Variants in STARD9 observed in about 807,000 individuals in gnomAD.
STARD9 encodes stAR-related lipid transfer protein 9.
A neutral mutation model predicts 399.8 loss-of-function variants in STARD9; 346 were observed. That is an observed-to-expected ratio of 0.87 (90% CI 0.79 to 0.95). The LOEUF (loss-of-function observed/expected upper bound fraction) is 0.95, where lower values mean the gene tolerates loss of function less well. Ranked by LOEUF, STARD9 falls within the 40% of genes least tolerant of loss-of-function variation. The pLI is 0.00. For missense variants in STARD9, 5,832 were observed against 5,667.5 expected (o/e 1.03, Z -0.93); for synonymous variants, 2,203 against 2,143.5 (o/e 1.03, Z -0.77).
intron 3 of STARD9, among the ~76,000 whole-genome samples, chr15:42,618,436 A>G (rs889990255): frequency 1.3e-5 from 2 of 152,078 alleles, no homozygotes; most frequent in Non-Finnish European, 2.9e-5. Context: ...CCCTGCCACT[A>G]TACACTTTTA....
intron 3 of STARD9, among the ~76,000 whole-genome samples, chr15:42,601,319 C>T (rs2141752366): frequency 6.6e-6 from 1 of 152,310 alleles, no homozygotes; most frequent in South Asian, 2.1e-4. Context: ...CCACATTTCC[C>T]CCTTTTCTAT....
At chr15:42,700,086 T>C (rs1250954325) in intron 26 of STARD9, among the ~76,000 whole-genome samples, 2 of 152,226 alleles carry the variant, frequency 1.3e-5, no homozygotes, top group African/African-American at 4.8e-5. Flanking sequence ...GTCCCTGGGT[T>C]CACCCATGTT....
intron 3 of STARD9, among the ~76,000 whole-genome samples, chr15:42,623,539 C>G (rs2059134473): frequency 6.6e-6 from 1 of 152,140 alleles, no homozygotes; most frequent in South Asian, 2.1e-4. Context: ...ATACTTTCTT[C>G]CAAGATTAAG....
chr15:42,602,820 A>C (rs2058654340), intron 3 of STARD9, among the ~76,000 whole-genome samples: 1 of 152,226 alleles, frequency 6.6e-6, no homozygotes, highest in South Asian at 2.1e-4. Context: ...GAAGTTACAA[A>C]GTTGCAAATG....
At chr15:42,698,752 T>C (rs1025661615) in intron 26 of STARD9, among the ~76,000 whole-genome samples, 2 of 152,168 alleles carry the variant, frequency 1.3e-5, no homozygotes, top group Non-Finnish European at 2.9e-5. Context: ...CTTCTAGAAC[T>C]TCTGTGGTTT....
At chr15:42,645,709 T>C (rs767929364) in intron 7 of STARD9, among the ~76,000 whole-genome samples, 2 of 151,996 alleles carry the variant, frequency 1.3e-5, no homozygotes, top group Non-Finnish European at 2.9e-5. Context: ...CCTGGCTAAT[T>C]TTTTGTGTAT....
intron 15 of STARD9, among the ~76,000 whole-genome samples, chr15:42,667,431 C>T (rs1198920869): frequency 6.6e-6 from 1 of 151,268 alleles, no homozygotes; most frequent in Non-Finnish European, 1.5e-5. Flanking sequence ...GATCCACCCA[C>T]CTCGGCCTCT....
At chr15:42,621,349 T>C (rs1266453039) in intron 3 of STARD9, among the ~76,000 whole-genome samples, 1 of 152,242 alleles carries the variant, frequency 6.6e-6, no homozygotes, top group Non-Finnish European at 1.5e-5. Flanking sequence ...ATTCATGGTT[T>C]CTCATTTTAT....
chr15:42,686,655 C>T lies in STARD9; in HGVS notation c.5077C>T (p.Pro1693Ser), dbSNP rs1165469478. 3 of 1,537,454 alleles carry T rather than the reference C, an allele frequency of 2.0e-6. No homozygotes were observed. Among genetic ancestry groups the T allele is most frequent in the Admixed American group, 3.9e-5 (2 of 50,978 alleles). The change falls in exon 23 of 33, where the codon CCA becomes TCA. Residue 1693 changes from proline to serine, a missense_variant. Pro to Ser is a moderately conservative substitution (Grantham distance 74). Transcript: ENST00000290607. ...GCAATTAAGTCCCGACAGCCACTAC[C>T]CACTAGAGGAAGAGAAGACAGATTG... ...PGQLSPDSHY[P>S]LEEEKTDCQE...
chr15:42,708,974 C>T (rs2061150040), intron 26 of STARD9, among the ~76,000 whole-genome samples: 1 of 151,904 alleles, frequency 6.6e-6, no homozygotes, highest in African/African-American at 2.4e-5. Context: ...CATGCAATAC[C>T]TTATTCTCGG....
At chr15:42,648,064 T>C (rs2059680464) in intron 7 of STARD9, among the ~76,000 whole-genome samples, 1 of 152,210 alleles carries the variant, frequency 6.6e-6, no homozygotes, top group Admixed American at 6.5e-5. Context: ...TCTTAATTTT[T>C]AAAGAATATC....
At position 42,690,150 on chromosome 15, in the gene STARD9, C is replaced by G; in HGVS notation, c.8572C>G (p.Pro2858Ala). 6.5e-7 allele frequency: 1 copy of G among 1,537,828 alleles called. No homozygotes were observed. The highest frequency in any genetic ancestry group is 8.7e-7 in the Non-Finnish European group (1 of 1,147,050). The change falls in exon 23 of 33, where the codon CCT (proline) becomes GCT (alanine). Residue 2858 changes from proline (P) to alanine (A), a missense_variant. Around this residue, in one of 2 missense-constraint regions of STARD9, gnomAD observed 5,828 missense variants for 5,651.1 expected, o/e 1.03. Coordinates refer to ENST00000290607, the MANE Select transcript of STARD9 (RefSeq NM_020759.3). ...RASPKQDTILPGALTRVALEA... is the reference protein window; with the variant it reads ...RASPKQDTILAGALTRVALEA... ...AAGTCCCAAACAAGATACCATTCTGCCTGGAGCTCTGACAAGGGTTGCACT... is the reference window on the plus strand; with the variant it reads ...AAGTCCCAAACAAGATACCATTCTGGCTGGAGCTCTGACAAGGGTTGCACT...
Position 42,690,532 on chromosome 15 carries a change from A to T in STARD9, c.8954A>T (p.Glu2985Val). The T allele has an allele frequency of 6.5e-7, 1 of 1,537,168 alleles. No individual in the cohort carries two copies. Among genetic ancestry groups the T allele is most frequent in the Non-Finnish European group, 8.7e-7 (1 of 1,146,894 alleles). ...LCFRDGDLGK[E>V]PFKAAPHTIH... is the part of the protein sequence containing the mutation. ...TTTAGAGATGGTGACCTAGGGAAGG[A>T]GCCTTTCAAGGCTGCCCCACATACT... is the stretch of plus-strand genomic sequence containing the variant. Residue 2985 changes from glutamate (E) to valine (V), a missense_variant, in exon 23 of 33, where the codon GAG becomes GTG. By Grantham distance (121) the Glu-to-Val change is moderately radical. Coordinates refer to ENST00000290607, the MANE Select transcript of STARD9 (RefSeq NM_020759.3).
rs1253336345 is a variant in STARD9, at chr15:42,663,290, C to G, written c.878C>G (p.Ser293Cys). 3 of 1,532,572 alleles carry G rather than the reference C, an allele frequency of 2.0e-6. No homozygotes were observed. Among genetic ancestry groups the G allele is most frequent in the Non-Finnish European group, 2.6e-6 (3 of 1,143,042 alleles). 94.9% of individuals were successfully genotyped at this position (1,532,572 alleles called of 1,614,324 possible). A position where few individuals can be genotyped will look rare whatever the true frequency, so the allele number is the denominator to read the frequency against. ...GIVISTLAQN[S>C]QVFSSCQSLN... Reference sequence around the variant, plus strand: ...TTTTTCATCTTTTAAGCCCAGAACTCCCAAGTTTTCAGCAGCTGCCAGAGC... The same window carrying G: ...TTTTTCATCTTTTAAGCCCAGAACTGCCAAGTTTTCAGCAGCTGCCAGAGC... The change falls in exon 12 of 33, where the codon TCC (serine) becomes TGC (cysteine). Residue 293 changes from serine to cysteine, a missense_variant. By Grantham distance (112) the Ser-to-Cys change is moderately radical. Around this residue, in one of 2 missense-constraint regions of STARD9, gnomAD observed 5,828 missense variants for 5,651.1 expected, o/e 1.03. Transcript: ENST00000290607.
intron 3 of STARD9, among the ~76,000 whole-genome samples, chr15:42,592,575 G>A (rs1397961156): frequency 6.6e-6 from 1 of 152,108 alleles, no homozygotes; most frequent in African/African-American, 2.4e-5. Flanking sequence ...CTCCCGAGTA[G>A]CTGGGATTAC....
Position 42,718,174 on chromosome 15 carries a change from G to C in STARD9, c.13757G>C (p.Ser4586Thr), listed in dbSNP as rs1304679420. 7.2e-6 allele frequency: 11 copies of C among 1,536,430 alleles called. No individual in the cohort carries two copies. The highest frequency in any genetic ancestry group is 9.6e-6 in the Non-Finnish European group (11 of 1,146,734). Residue 4586 changes from serine (S) to threonine (T), a missense_variant, in exon 30 of 33, where the codon AGC becomes ACC. Ser to Thr is a moderately conservative substitution (Grantham distance 58). Around this residue, in one of 2 missense-constraint regions of STARD9, gnomAD observed 5,828 missense variants for 5,651.1 expected, o/e 1.03. Transcript: ENST00000290607. ...RLHQRVTNSI[S>T]LVYLVCNTTL... ...CATCAGCGAGTGACCAACAGCATCAGCCTGGGTGAGCCCAGGGAAGGAAGG... is the reference window on the plus strand; with the variant it reads ...CATCAGCGAGTGACCAACAGCATCACCCTGGGTGAGCCCAGGGAAGGAAGG...
intron 3 of STARD9, among the ~76,000 whole-genome samples, chr15:42,614,469 C>T (rs186288159): frequency 1.3e-5 from 2 of 152,136 alleles, no homozygotes; most frequent in East Asian, 3.9e-4. Context: ...AACAAGATAC[C>T]AGTTTGTTTC....
chr15:42,717,597 C>A, intron 28 of STARD9, 134 bp from the exon 29 acceptor site: 1 of 793,554 alleles, frequency 1.3e-6, no homozygotes, highest in Non-Finnish European at 2.1e-6. Flanking sequence ...TCCACTCCAG[C>A]CTGGGTGACA....
At chr15:42,585,726 T>C in intron 3 of STARD9, 89 bp downstream of exon 3, 1 of 844,572 alleles carries the variant, frequency 1.2e-6, no homozygotes, top group Non-Finnish European at 1.9e-6. Flanking sequence ...TTTGCAAGGT[T>C]AGTATAGCAC....
Sources: allele counts gnomAD v4.1 joint callset (sites outside exome capture counted in the v4.1 genomes callset), GRCh38; gene constraint gnomAD v4.1.1; regional missense constraint gnomAD v4.1.1; transcripts MANE v1.5; gene names NCBI Gene and HGNC (gene_info 2026-07-23, HGNC 2026-07-21).